CNTN3: variants seen among roughly 807,000 people sequenced by gnomAD.
CNTN3 encodes the protein contactin 3.
CNTN3 carries 60 observed loss-of-function variants against 119.1 expected under a neutral mutation model. The observed-to-expected ratio is 0.50, with a 90% confidence interval of 0.41 to 0.62. The LOEUF is 0.62. CNTN3 is among the 20% of genes least tolerant of loss of function. CNTN3 has a pLI of 0.00. For missense variants in CNTN3, 1,101 were observed against 1,242.4 expected (o/e 0.89, Z 1.71); for synonymous variants, 450 against 438.7 (o/e 1.03, Z -0.32).
chr3:74,506,587 A>G (rs941847279), intron 2 of CNTN3, among the ~76,000 whole-genome samples: 9 of 152,116 alleles, frequency 5.9e-5, no homozygotes, highest in Non-Finnish European at 1.0e-4. Context: ...ACATCCTTCT[A>G]TAATTCTCAG....
At chr3:74,458,605 C>T (rs1238128085) in intron 4 of CNTN3, among the ~76,000 whole-genome samples, 3 of 151,910 alleles carry the variant, frequency 2.0e-5, no homozygotes, top group African/African-American at 7.2e-5. Context: ...AAGCTATGTA[C>T]TGTATGATTC....
chr3:74,585,239 A>C (rs543702058), intron 1 of CNTN3, among the ~76,000 whole-genome samples: 1 of 152,338 alleles, frequency 6.6e-6, no homozygotes, highest in Non-Finnish European at 1.5e-5. Flanking sequence ...TGTGCAAATG[A>C]AACCAAGCTA....
At position 74,614,461 on chromosome 3, in the gene CNTN3, C is replaced by A. The variant is rs1290948646; in HGVS notation, c.-151G>T. ...CCGCCGCCGCCGCCGCCGCCGCCGC[C>A]GCCACCGCCGCCGCCGCAGTTAGTC... is the stretch of plus-strand genomic sequence containing the variant. On this transcript the variant is annotated 5_prime_UTR_variant, in exon 1 of 23. Coordinates refer to ENST00000263665, the MANE Select transcript of CNTN3 (RefSeq NM_020872.3). 1.4e-5 allele frequency among the ~76,000 whole-genome samples: 2 copies of A among 142,660 alleles called. No homozygotes were observed. The highest frequency in any genetic ancestry group is 6.9e-5 in the Admixed American group (1 of 14,588). 93.6% of individuals were successfully genotyped at this position (142,660 alleles called of 152,430 possible).
At position 74,322,108 on chromosome 3, in the gene CNTN3, C is replaced by T. The variant is rs537094808; in HGVS notation, c.1668+12627G>A. 1.3e-4 allele frequency among the ~76,000 whole-genome samples: 20 copies of T among 150,146 alleles called. No individual in the cohort carries two copies. The East Asian group carries it at 3.2e-3, about 24-fold the overall frequency. ...AGCTGAGGCAGGAGAATTGCTTGAA[C>T]CCAGGAGGCAGCAGGTGCAGTTAGC... On this transcript the variant is annotated intron_variant, in intron 13 of 22. Transcript: ENST00000263665.
chr3:74,488,116 CT>C (rs1032741051), intron 3 of CNTN3, among the ~76,000 whole-genome samples: 7 of 149,774 alleles, frequency 4.7e-5, no homozygotes, highest in Admixed American at 6.7e-5. Context: ...TAAACCTCAA[CT>C]TTTTTTTTGT....
At chr3:74,590,872 T>C (rs553685372) in intron 1 of CNTN3, among the ~76,000 whole-genome samples, 3 of 152,138 alleles carry the variant, frequency 2.0e-5, no homozygotes, top group East Asian at 1.9e-4. Flanking sequence ...AGTCAACAAC[T>C]TGACTCAGTG....
intron 1 of CNTN3, among the ~76,000 whole-genome samples, chr3:74,574,900 C>T (rs2106656985): frequency 6.7e-6 from 1 of 150,132 alleles, no homozygotes; most frequent in East Asian, 2.0e-4. Flanking sequence ...GAAAGGAAAG[C>T]AAATGCTTTT....
At chr3:74,424,372 A>G (rs946936749) in intron 5 of CNTN3, among the ~76,000 whole-genome samples, 5 of 147,334 alleles carry the variant, frequency 3.4e-5, no homozygotes, top group African/African-American at 7.4e-5. Context: ...ATATACACAC[A>G]TATCATTTCT....
At chr3:74,442,674 C>A (rs1701986642) in intron 4 of CNTN3, among the ~76,000 whole-genome samples, 1 of 152,122 alleles carries the variant, frequency 6.6e-6, no homozygotes. Flanking sequence ...GGTGAGTTCC[C>A]CAGTAGCTCC....
intron 1 of CNTN3, among the ~76,000 whole-genome samples, chr3:74,534,179 G>A (rs1022540159): frequency 1.3e-5 from 2 of 151,928 alleles, no homozygotes; most frequent in Non-Finnish European, 2.9e-5. Context: ...CTAAGAGCTT[G>A]GTGCACTTCT....
intron 19 of CNTN3, among the ~76,000 whole-genome samples, chr3:74,287,176 G>T (rs953742209): frequency 2.6e-5 from 4 of 152,114 alleles, no homozygotes; most frequent in Admixed American, 2.6e-4. Flanking sequence ...CCAATTTCTT[G>T]ATGAGGCAAT....
rs553114410 is a variant in CNTN3, at chr3:74,493,205, C to G, written c.182+6454G>C. 2.6e-5 allele frequency among the ~76,000 whole-genome samples: 4 copies of G among 152,198 alleles called. No homozygotes were observed. The East Asian group carries it at 7.7e-4, about 29-fold the overall frequency. ...GGAATAACAATAATGAATATAAACACAGATCTATGTTGTCATTGCTATAAT... is the reference window on the plus strand; with the variant it reads ...GGAATAACAATAATGAATATAAACAGAGATCTATGTTGTCATTGCTATAAT... On this transcript the variant is annotated intron_variant, in intron 3 of 22. Transcript: ENST00000263665.
chr3:74,410,824 T>C (rs1403549586), intron 5 of CNTN3, among the ~76,000 whole-genome samples: 2 of 152,084 alleles, frequency 1.3e-5, no homozygotes, highest in Non-Finnish European at 2.9e-5. Flanking sequence ...CCATACATAA[T>C]TAACTGAATT....
chr3:74,353,159 G>A (rs1703855491), intron 11 of CNTN3, among the ~76,000 whole-genome samples: 1 of 152,126 alleles, frequency 6.6e-6, no homozygotes, highest in Admixed American at 6.5e-5. Context: ...TGAGTCAAGG[G>A]GAAGTGCCAC....
At chr3:74,533,061 G>A (rs1559648364) in intron 1 of CNTN3, among the ~76,000 whole-genome samples, 1 of 151,976 alleles carries the variant, frequency 6.6e-6, no homozygotes, top group Non-Finnish European at 1.5e-5. Context: ...AGAACCATCA[G>A]GCTCGTCTTG....
chr3:74,610,091 G>A (rs1269464009), intron 1 of CNTN3, among the ~76,000 whole-genome samples: 1 of 152,098 alleles, frequency 6.6e-6, no homozygotes, highest in Non-Finnish European at 1.5e-5. Flanking sequence ...GGGAGGTCGA[G>A]GTGGGCAGAT....
At chr3:74,399,630 G>A (rs1353134567) in intron 5 of CNTN3, among the ~76,000 whole-genome samples, 2 of 152,132 alleles carry the variant, frequency 1.3e-5, no homozygotes, top group Admixed American at 1.3e-4. Context: ...ATAACAGAAT[G>A]ATTTATATTC....
intron 4 of CNTN3, among the ~76,000 whole-genome samples, chr3:74,475,213 T>A (rs1702633682): frequency 6.6e-6 from 1 of 152,018 alleles, no homozygotes; most frequent in South Asian, 2.1e-4. Context: ...CAGAACTGAA[T>A]AAAAAATAAA....
chr3:74,411,807 G>C (rs1404888320), intron 5 of CNTN3, among the ~76,000 whole-genome samples: 2 of 152,164 alleles, frequency 1.3e-5, no homozygotes. Flanking sequence ...TGCTAACAAT[G>C]TTACTTAGCT....
Sources: gnomAD v4.1 joint callset for allele counts (sites outside exome capture counted in the v4.1 genomes callset) on GRCh38, gnomAD v4.1.1 for gene constraint, MANE v1.5 for transcripts, NCBI Gene and HGNC (gene_info 2026-07-23, HGNC 2026-07-21) for gene names.